The following LRRC4C variants were observed in gnomAD, a reference collection of about 807,000 sequenced individuals.
LRRC4C encodes the protein leucine rich repeat containing 4C.
LRRC4C carries 5 observed loss-of-function variants against 33.6 expected under a neutral mutation model. The observed-to-expected ratio is 0.15, with a 90% CI of 0.08 to 0.31. The LOEUF (loss-of-function observed/expected upper bound fraction) is 0.31. Among genes scored for constraint, LRRC4C ranks in the 10% least tolerant of loss-of-function variants. LRRC4C has a pLI of 1.00. For synonymous variants in LRRC4C, 329 were observed against 302.0 expected (o/e 1.09, Z -0.93); for missense variants, 560 against 796.7 (o/e 0.70, Z 3.58).
At chr11:41,445,866 A>ATGTGTG (rs35999139) in intron 1 of LRRC4C, among the ~76,000 whole-genome samples, 23 of 149,730 alleles carry the variant, frequency 1.5e-4, no homozygotes, top group African/African-American at 5.2e-4. Context: ...GAGTGACTGC[A>ATGTGTG]TGTGTGTGTG....
chr11:40,252,479 C>G (rs191798082), intron 4 of LRRC4C, among the ~76,000 whole-genome samples: 314 of 152,208 alleles, frequency 2.1e-3, no homozygotes, highest in African/African-American at 7.2e-3. Flanking sequence ...CACCAAGACT[C>G]CATTTTATCT....
chr11:40,646,117 TTC>T (rs903704681), intron 3 of LRRC4C, among the ~76,000 whole-genome samples: 1 of 152,094 alleles, frequency 6.6e-6, no homozygotes, highest in African/African-American at 2.4e-5. Flanking sequence ...ATGGTGTGGT[TTC>T]TGTTTCCTGA....
chr11:40,313,836 A>C (rs1382281776), intron 4 of LRRC4C, among the ~76,000 whole-genome samples: 1 of 151,656 alleles, frequency 6.6e-6, no homozygotes, highest in Non-Finnish European at 1.5e-5. Context: ...GATGGTCTCG[A>C]TCTCTTGACC....
At chr11:41,318,374 A>G (rs1029458646) in intron 1 of LRRC4C, among the ~76,000 whole-genome samples, 2 of 152,200 alleles carry the variant, frequency 1.3e-5, no homozygotes, top group African/African-American at 4.8e-5. Flanking sequence ...TGGTAGTGCA[A>G]GGGATACATA....
intron 1 of LRRC4C, among the ~76,000 whole-genome samples, chr11:41,158,294 CACATCATTTTGAAA>C (rs1206422349): frequency 6.6e-6 from 1 of 152,058 alleles, no homozygotes; most frequent in Admixed American, 6.6e-5. Flanking sequence ...CAGGTTACAC[CACATCATTTTGAAA>C]ACTGGAAGGT....
At chr11:40,984,987 C>T (rs149325743) in intron 1 of LRRC4C, among the ~76,000 whole-genome samples, 17 of 141,916 alleles carry the variant, frequency 1.2e-4, no homozygotes, top group Admixed American at 9.7e-4. Context: ...CTGCAACCTC[C>T]GTCTCCCAGG....
At chr11:40,567,660 T>C (rs1957819227) in intron 3 of LRRC4C, among the ~76,000 whole-genome samples, 1 of 152,186 alleles carries the variant, frequency 6.6e-6, no homozygotes, top group Admixed American at 6.6e-5. Context: ...ATACACTTAC[T>C]AGAAAATGTA....
At chr11:40,900,575 C>G (rs982824553) in intron 2 of LRRC4C, among the ~76,000 whole-genome samples, 5 of 151,862 alleles carry the variant, frequency 3.3e-5, no homozygotes, top group African/African-American at 1.2e-4. Flanking sequence ...TCCTTCTTTT[C>G]TCATGTCATA....
chr11:40,840,146 T>C (rs1952850675), intron 2 of LRRC4C, among the ~76,000 whole-genome samples: 1 of 152,114 alleles, frequency 6.6e-6, no homozygotes, highest in South Asian at 2.1e-4. Flanking sequence ...CCATAACACT[T>C]CATGATAAAG....
intron 1 of LRRC4C, among the ~76,000 whole-genome samples, chr11:41,438,154 G>T (rs774703135): frequency 1.3e-5 from 2 of 151,982 alleles, no homozygotes; most frequent in African/African-American, 4.8e-5. Flanking sequence ...GAAAAAAAGA[G>T]ACCAACAATT....
chr11:40,394,080 A>G (rs1361699276), intron 3 of LRRC4C, among the ~76,000 whole-genome samples: 2 of 152,124 alleles, frequency 1.3e-5, no homozygotes, highest in African/African-American at 4.8e-5. Flanking sequence ...AATGAAAGAA[A>G]GAAAGAATGG....
intron 4 of LRRC4C, among the ~76,000 whole-genome samples, chr11:40,306,969 T>G (rs1053391947): frequency 6.7e-6 from 1 of 148,872 alleles, no homozygotes; most frequent in Non-Finnish European, 1.5e-5. Context: ...TGTGGCACAA[T>G]TGGTATTTCA....
chr11:40,336,830 A>T (rs1469254772), intron 3 of LRRC4C, among the ~76,000 whole-genome samples: 5 of 151,948 alleles, frequency 3.3e-5, no homozygotes, highest in Non-Finnish European at 7.4e-5. Flanking sequence ...CAAAAAAATT[A>T]GTCGGGAGTG....
intron 1 of LRRC4C, among the ~76,000 whole-genome samples, chr11:41,342,230 A>G (rs1951664446): frequency 6.6e-6 from 1 of 152,162 alleles, no homozygotes; most frequent in African/African-American, 2.4e-5. Context: ...TTCCTAGACT[A>G]TCTTAGTTCA....
chr11:40,209,577 C>T (rs1489175965), intron 5 of LRRC4C, among the ~76,000 whole-genome samples: 1 of 152,150 alleles, frequency 6.6e-6, no homozygotes, highest in African/African-American at 2.4e-5. Context: ...GAGTCTCGCT[C>T]TGTCACCCAG....
At chr11:40,370,926 T>C (rs1565322749) in intron 3 of LRRC4C, among the ~76,000 whole-genome samples, 1 of 152,186 alleles carries the variant, frequency 6.6e-6, no homozygotes, top group Admixed American at 6.5e-5. Context: ...GGATCTTTTG[T>C]AAGCTCACTT....
chr11:40,798,241 T>C (rs1418445530), intron 2 of LRRC4C, among the ~76,000 whole-genome samples: 1 of 152,196 alleles, frequency 6.6e-6, no homozygotes, highest in Non-Finnish European at 1.5e-5. Context: ...TTGCCAAGAA[T>C]GCTATGTGTG....
At chr11:40,920,153 G>T (rs2136350661) in intron 2 of LRRC4C, among the ~76,000 whole-genome samples, 1 of 152,202 alleles carries the variant, frequency 6.6e-6, no homozygotes, top group Middle Eastern at 3.4e-3. Flanking sequence ...GATTCATTGA[G>T]AACACTTCAA....
chr11:40,648,549 T>G (rs916215182), intron 2 of LRRC4C, among the ~76,000 whole-genome samples: 2 of 152,186 alleles, frequency 1.3e-5, no homozygotes, highest in Non-Finnish European at 2.9e-5. Flanking sequence ...GTTTATTGAT[T>G]AGAGACTCAA....
Sources: allele counts gnomAD v4.1 joint callset (sites outside exome capture counted in the v4.1 genomes callset), GRCh38; gene constraint gnomAD v4.1.1; transcripts MANE v1.5; gene names NCBI Gene and HGNC (gene_info 2026-07-23, HGNC 2026-07-21).